Variants in CNTN5 observed in about 807,000 individuals in gnomAD.
CNTN5 encodes contactin-5.
CNTN5 carries 77 observed loss-of-function variants against 129.1 expected under a neutral mutation model. The ratio of observed to expected loss-of-function variants is 0.60; its 90% CI spans 0.50 to 0.72. The LOEUF is 0.72. Ranked by LOEUF, CNTN5 falls within the 30% of genes least tolerant of loss-of-function variation. The pLI, the probability that CNTN5 is intolerant of heterozygous loss-of-function variation, is 0.00. For synonymous variants in CNTN5, 509 were observed against 465.6 expected, an observed-to-expected ratio of 1.09 and a Z score of -1.20; for missense variants, 1,478 against 1,328.8, an observed-to-expected ratio of 1.11 and a Z score of -1.75.
chr11:99,992,421 C>G (rs190522228), intron 8 of CNTN5, among the ~76,000 whole-genome samples: 32 of 152,296 alleles, frequency 2.1e-4, no homozygotes, highest in African/African-American at 7.5e-4. Context: ...GCATGACTCT[C>G]TGCATGCCGT....
At chr11:99,743,436 T>C (rs1375866838) in intron 3 of CNTN5, among the ~76,000 whole-genome samples, 2 of 152,214 alleles carry the variant, frequency 1.3e-5, no homozygotes, top group African/African-American at 4.8e-5. Context: ...AACTTACTTA[T>C]GCTGAATTCA....
chr11:99,157,399 T>TA lies in CNTN5; in HGVS notation c.-210+136133dup, dbSNP rs569225704. On this transcript the variant is annotated intron_variant, in intron 1 of 24. Coordinates refer to ENST00000524871, the MANE Select transcript of CNTN5 (RefSeq NM_014361.4). ...TATTTTCCAGTAATTGAATTGCTTT[T>TA]AAAACCCTCACAGCAATTTTTATTA... 4.3e-4 allele frequency among the ~76,000 whole-genome samples: 66 copies of TA among 152,224 alleles called. 1 individual carries two copies. In the East Asian group the frequency reaches 0.012, roughly 28 times the overall value.
At chr11:100,294,955 G>A (rs1951071915) in intron 18 of CNTN5, among the ~76,000 whole-genome samples, 1 of 151,538 alleles carries the variant, frequency 6.6e-6, no homozygotes, top group Admixed American at 6.6e-5. Flanking sequence ...TAAGCCAATT[G>A]GAATTAGAGT....
At chr11:100,228,456 A>G (rs866302606) in intron 16 of CNTN5, among the ~76,000 whole-genome samples, 3 of 152,200 alleles carry the variant, frequency 2.0e-5, no homozygotes, top group Non-Finnish European at 2.9e-5. Context: ...CTGTCTTTCA[A>G]TTGAACTTCC....
chr11:100,056,656 G>T (rs1943238344), intron 9 of CNTN5, among the ~76,000 whole-genome samples: 1 of 151,690 alleles, frequency 6.6e-6, no homozygotes, highest in South Asian at 2.1e-4. Context: ...TGGTAGTAAT[G>T]ATAGTAGTGG....
At chr11:100,075,823 C>G (rs1382381697) in intron 13 of CNTN5, among the ~76,000 whole-genome samples, 1 of 152,096 alleles carries the variant, frequency 6.6e-6, no homozygotes, top group Non-Finnish European at 1.5e-5. Context: ...CTATCATTCT[C>G]TTCAGTAGAG....
At chr11:100,154,611 A>G (rs190918254) in intron 13 of CNTN5, among the ~76,000 whole-genome samples, 24 of 152,224 alleles carry the variant, frequency 1.6e-4, no homozygotes, top group Non-Finnish European at 2.6e-4. Flanking sequence ...GTCTTCCACA[A>G]TGGTTGAATG....
intron 1 of CNTN5, among the ~76,000 whole-genome samples, chr11:99,306,577 G>T (rs1038038664): frequency 3.3e-5 from 5 of 151,770 alleles, no homozygotes; most frequent in Admixed American, 6.6e-5. Context: ...CTAACTTTTA[G>T]ATATAAATTA....
chr11:99,437,115 A>G (rs1943629180), intron 2 of CNTN5, among the ~76,000 whole-genome samples: 1 of 152,194 alleles, frequency 6.6e-6, no homozygotes, highest in African/African-American at 2.4e-5. Flanking sequence ...CCAAATCTCA[A>G]AGTAAAGAAT....
intron 3 of CNTN5, among the ~76,000 whole-genome samples, chr11:99,745,632 A>G (rs1414314778): frequency 6.6e-6 from 1 of 152,158 alleles, no homozygotes. Flanking sequence ...TATTTTTACT[A>G]CTGTGGATCC....
At chr11:99,712,936 G>A (rs1328341917) in intron 3 of CNTN5, among the ~76,000 whole-genome samples, 2 of 151,992 alleles carry the variant, frequency 1.3e-5, no homozygotes, top group Non-Finnish European at 2.9e-5. Flanking sequence ...TTTTCTTTTT[G>A]CTTAGGATTG....
chr11:99,127,676 C>A (rs17572634), intron 1 of CNTN5, among the ~76,000 whole-genome samples: 12,177 of 152,184 alleles, frequency 0.08, 663 homozygotes, highest in South Asian at 0.12. Flanking sequence ...CACTTGCAAC[C>A]TTCTCAACTT....
intron 6 of CNTN5, among the ~76,000 whole-genome samples, chr11:99,859,936 G>C (rs1403717376): frequency 6.6e-6 from 1 of 152,202 alleles, no homozygotes; most frequent in South Asian, 2.1e-4. Context: ...TTCCTCAGTG[G>C]CTGAATGGAT....
At chr11:99,748,425 A>AGAGC in intron 3 of CNTN5, among the ~76,000 whole-genome samples, 1 of 152,002 alleles carries the variant, frequency 6.6e-6, no homozygotes, top group South Asian at 2.1e-4. Flanking sequence ...AGAGAGAGAG[A>AGAGC]GAGTGAGAGA....
intron 13 of CNTN5, among the ~76,000 whole-genome samples, chr11:100,146,486 A>C (rs1461662062): frequency 6.6e-6 from 1 of 152,156 alleles, no homozygotes; most frequent in East Asian, 1.9e-4. Flanking sequence ...ATAATTACAG[A>C]AACAGCCTGT....
chr11:99,060,275 G>T (rs367797251), intron 1 of CNTN5, among the ~76,000 whole-genome samples: 2 of 151,826 alleles, frequency 1.3e-5, no homozygotes, highest in African/African-American at 4.8e-5. Context: ...TCTCAATACC[G>T]GGCTTTTGAA....
At chr11:99,378,602 A>G (rs895756514) in intron 2 of CNTN5, among the ~76,000 whole-genome samples, 1 of 152,076 alleles carries the variant, frequency 6.6e-6, no homozygotes, top group African/African-American at 2.4e-5. Flanking sequence ...GACTTCATAT[A>G]TATACTTTAC....
chr11:99,341,503 A>C lies in CNTN5; in HGVS notation c.-71+16019A>C, dbSNP rs757130988. Among the ~76,000 whole-genome samples, 20 of 152,296 alleles carry C rather than the reference A, an allele frequency of 1.3e-4. No individual in the cohort carries two copies. The South Asian group carries it at 1.7e-3, about 13-fold the overall frequency. On this transcript the variant is annotated intron_variant, in intron 2 of 24. Transcript: ENST00000524871. ...GTTTGAATCCCAATTCTAGTAATTCAAACTGCATGATTTGGAGCAAACCTT... is the reference window on the plus strand; with the variant it reads ...GTTTGAATCCCAATTCTAGTAATTCCAACTGCATGATTTGGAGCAAACCTT...
chr11:99,479,279 T>C (rs1945498920), intron 2 of CNTN5, among the ~76,000 whole-genome samples: 1 of 151,480 alleles, frequency 6.6e-6, no homozygotes, highest in African/African-American at 2.4e-5. Context: ...TTTTTTTTAC[T>C]ATTTTATAAG....
Sources: allele counts gnomAD v4.1 joint callset (sites outside exome capture counted in the v4.1 genomes callset), GRCh38; gene constraint gnomAD v4.1.1; transcripts MANE v1.5; gene names NCBI Gene and HGNC (gene_info 2026-07-23, HGNC 2026-07-21).